LOC128125822: variants seen among roughly 807,000 people sequenced by gnomAD.
the LOC128125822 span, chr6:63,580,013 GGGGGCT>G: frequency 2.1e-6 from 3 of 1,413,506 alleles, no homozygotes; most frequent in East Asian, 6.8e-5. Context: ...TATTACTGTA[GGGGGCT>G]TTTGCCTTGT....
chr6:63,579,098 T>C, the LOC128125822 span: 5 of 1,431,828 alleles, frequency 3.5e-6, 1 homozygote, highest in South Asian at 1.6e-5. Context: ...ACTTGAAAAA[T>C]TCTTATAATT....
At chr6:63,579,885 A>AT in the LOC128125822 span, among the ~76,000 whole-genome samples, 3 of 152,242 alleles carry the variant, frequency 2.0e-5, no homozygotes, top group East Asian at 1.9e-4. Flanking sequence ...ACTTTTTATG[A>AT]TTTTTTCCAT....
chr6:63,574,071 C>T, the LOC128125822 span, among the ~76,000 whole-genome samples: 1 of 152,152 alleles, frequency 6.6e-6, no homozygotes, highest in Non-Finnish European at 1.5e-5. Flanking sequence ...AACTGTTGAC[C>T]TGCCCGACAT....
chr6:63,579,350 T>C, the LOC128125822 span: 1 of 1,553,580 alleles, frequency 6.4e-7, no homozygotes, highest in East Asian at 2.3e-5. Context: ...TGGATTCTCT[T>C]TTCATTTGTA....
At chr6:63,578,979 G>A in the LOC128125822 span, 2 of 1,608,024 alleles carry the variant, frequency 1.2e-6, no homozygotes, top group African/African-American at 1.3e-5. Context: ...TAAGTTTCGT[G>A]AAGAACCTGG....
the LOC128125822 span, among the ~76,000 whole-genome samples, chr6:63,573,037 C>T: frequency 1.3e-5 from 2 of 151,980 alleles, no homozygotes; most frequent in African/African-American, 4.8e-5. Flanking sequence ...GGGGCAGTTT[C>T]GGCTTCCGCA....
At chr6:63,581,512 C>G in the LOC128125822 span, 1 of 152,448 alleles carries the variant, frequency 6.6e-6, no homozygotes, top group Admixed American at 6.5e-5. Context: ...ATGAATTGCA[C>G]TTCACTTAAT....
the LOC128125822 span, among the ~76,000 whole-genome samples, chr6:63,579,656 T>C: frequency 6.6e-6 from 1 of 152,196 alleles, no homozygotes; most frequent in Non-Finnish European, 1.5e-5. Context: ...AGGAGACCAG[T>C]TGACAATAAC....
the LOC128125822 span, among the ~76,000 whole-genome samples, chr6:63,573,080 G>T: frequency 2.0e-5 from 3 of 152,214 alleles, no homozygotes; most frequent in African/African-American, 7.2e-5. Flanking sequence ...AAGCCGCTTT[G>T]TGACCGCCGC....
At chr6:63,576,738 C>A in the LOC128125822 span, 2 of 658,480 alleles carry the variant, frequency 3.0e-6, no homozygotes, top group Non-Finnish European at 5.2e-6. Flanking sequence ...TTTCACTTAT[C>A]ATTACTTACA....
the LOC128125822 span, chr6:63,578,380 T>A: frequency 2.6e-6 from 4 of 1,532,152 alleles, no homozygotes; most frequent in Non-Finnish European, 3.5e-6. Context: ...ATATAAAATG[T>A]TGAGTTATAG....
the LOC128125822 span, chr6:63,577,055 T>TA: frequency 8.0e-7 from 1 of 1,248,384 alleles, no homozygotes; most frequent in Non-Finnish European, 1.1e-6. Flanking sequence ...GCTAACAAAA[T>TA]AAAAACTACT....
At chr6:63,579,285 A>C in the LOC128125822 span, 1 of 1,611,590 alleles carries the variant, frequency 6.2e-7, no homozygotes, top group Non-Finnish European at 8.5e-7. Flanking sequence ...CCTAGCATTA[A>C]TTGAAGGTGG....
At chr6:63,578,938 T>C in the LOC128125822 span, 1 of 1,598,838 alleles carries the variant, frequency 6.3e-7, no homozygotes. Flanking sequence ...TCCAACCAGA[T>C]TGTTGATGAC....
chr6:63,576,896 C>T, the LOC128125822 span: 6 of 1,612,746 alleles, frequency 3.7e-6, no homozygotes, highest in Non-Finnish European at 4.2e-6. Flanking sequence ...TCGAATGAAC[C>T]GCCCAGCTCC....
At chr6:63,579,228 A>G in the LOC128125822 span, 2 of 1,568,736 alleles carry the variant, frequency 1.3e-6, no homozygotes, top group South Asian at 1.2e-5. Context: ...TTTTGAAAAA[A>G]CTATTTATCA....
the LOC128125822 span, chr6:63,581,863 T>C: frequency 1.3e-5 from 2 of 152,194 alleles, no homozygotes; most frequent in African/African-American, 2.4e-5. Flanking sequence ...ATTTGGTACA[T>C]GAAGGCTTAA....
At chr6:63,574,747 T>C in the LOC128125822 span, among the ~76,000 whole-genome samples, 2 of 152,232 alleles carry the variant, frequency 1.3e-5, no homozygotes, top group African/African-American at 4.8e-5. Context: ...CTTTTAAAGA[T>C]CATTGTATGT....
chr6:63,573,959 C>A, the LOC128125822 span, among the ~76,000 whole-genome samples: 1 of 152,284 alleles, frequency 6.6e-6, no homozygotes, highest in Admixed American at 6.5e-5. Flanking sequence ...TGGTTTGTGG[C>A]AGCAGTAGCC....
Sources: gnomAD v4.1 joint callset for allele counts (sites outside exome capture counted in the v4.1 genomes callset) on GRCh38, gnomAD v4.1.1 for gene constraint, MANE v1.5 for transcripts.